The following NSG2 variants were observed in gnomAD, a reference collection of about 807,000 sequenced individuals.
The protein encoded by NSG2 is neuronal vesicle trafficking-associated protein 2.
Under a neutral mutation model 16.9 loss-of-function variants are expected in NSG2, and 4 were observed. The observed-to-expected ratio is 0.24, with a 90% CI of 0.12 to 0.54. The LOEUF (loss-of-function observed/expected upper bound fraction) is 0.54, where lower values mean the gene tolerates loss of function less well. Ranked by LOEUF, NSG2 falls within the 20% of genes least tolerant of loss-of-function variation. The pLI is 0.95. For synonymous variants in NSG2, 98 were observed against 88.7 expected (o/e 1.11, Z -0.59); for missense variants, 179 against 221.1 (o/e 0.81, Z 1.21).
At position 174,046,828 on chromosome 5, in the gene NSG2, G is replaced by A. The variant is rs146056924; in HGVS notation, c.73G>A (p.Val25Ile). The A allele has an allele frequency of 5.6e-6, 9 of 1,613,898 alleles. No homozygotes were observed. The highest frequency in any genetic ancestry group is 2.2e-5 in the East Asian group (1 of 44,882). ...PPSVEDGFQT[V>I]PLITPLEVNH... Reference sequence around the variant, plus strand: ...TTCAGTTGAGGATGGCTTCCAGACCGTCCCTCTCATCACTCCCTTGGAGGT... The same window carrying A: ...TTCAGTTGAGGATGGCTTCCAGACCATCCCTCTCATCACTCCCTTGGAGGT... Residue 25 changes from valine (V) to isoleucine (I), a missense_variant, in exon 2 of 5, where the codon GTC becomes ATC. By Grantham distance (29) the Val-to-Ile change is conservative. Transcript: ENST00000303177.
chr5:174,096,278 T>A (rs1397138315), intron 3 of NSG2, among the ~76,000 whole-genome samples: 1 of 152,180 alleles, frequency 6.6e-6, no homozygotes, highest in Non-Finnish European at 1.5e-5. Flanking sequence ...AGAGCTGTGA[T>A]CAGACAGCGT....
chr5:174,075,326 T>C (rs1313412426), intron 3 of NSG2, among the ~76,000 whole-genome samples: 3 of 152,088 alleles, frequency 2.0e-5, no homozygotes, highest in Non-Finnish European at 4.4e-5. Flanking sequence ...CACCGATGTG[T>C]GGTTATGTGT....
intron 2 of NSG2, among the ~76,000 whole-genome samples, chr5:174,060,506 C>T (rs903496736): frequency 6.6e-6 from 1 of 151,910 alleles, no homozygotes; most frequent in Admixed American, 6.6e-5. Flanking sequence ...ATAGACTTGG[C>T]AATGTGGGAA....
chr5:174,073,115 T>C (rs1232710730), intron 3 of NSG2, among the ~76,000 whole-genome samples: 1 of 152,230 alleles, frequency 6.6e-6, no homozygotes, highest in Non-Finnish European at 1.5e-5. Context: ...TATCTTTATA[T>C]AAAATCAGGG....
At chr5:174,067,138 A>T (rs951550717) in intron 3 of NSG2, among the ~76,000 whole-genome samples, 10 of 152,168 alleles carry the variant, frequency 6.6e-5, no homozygotes, top group African/African-American at 2.2e-4. Context: ...ATTACAAATA[A>T]ATGTATTAAT....
intron 3 of NSG2, among the ~76,000 whole-genome samples, chr5:174,075,982 G>A (rs561939587): frequency 9.9e-4 from 151 of 152,308 alleles, no homozygotes; most frequent in South Asian, 6.8e-3. Flanking sequence ...CCCTCACTTG[G>A]GTGATCATCA....
intron 2 of NSG2, 143 bp from the exon 3 acceptor site, chr5:174,064,089 A>AT (rs1385865035): frequency 2.4e-5 from 13 of 542,614 alleles, no homozygotes; most frequent in Non-Finnish European, 4.2e-5. Flanking sequence ...AGTAACTTGA[A>AT]TTTTCTCTTA....
chr5:174,082,830 G>T (rs1561669795), intron 3 of NSG2, among the ~76,000 whole-genome samples: 1 of 152,124 alleles, frequency 6.6e-6, no homozygotes, highest in Non-Finnish European at 1.5e-5. Context: ...GCCCTTGACT[G>T]GTCTTCCTGC....
At chr5:174,059,301 AT>A (rs1455531553) in intron 2 of NSG2, among the ~76,000 whole-genome samples, 1 of 152,082 alleles carries the variant, frequency 6.6e-6, no homozygotes, top group East Asian at 1.9e-4. Context: ...GAGGCATTCC[AT>A]TTTCTGAGTA....
chr5:174,103,334 T>C (rs1471992774), intron 3 of NSG2, among the ~76,000 whole-genome samples: 2 of 152,110 alleles, frequency 1.3e-5, no homozygotes, highest in Non-Finnish European at 1.5e-5. Flanking sequence ...AAGGGAGTCA[T>C]GGATGACTTC....
In NSG2 at chr5:174,107,402, A is replaced by G; in HGVS notation, c.413A>G (p.His138Arg). 6.2e-7 allele frequency: 1 copy of G among 1,612,064 alleles called. No individual in the cohort carries two copies. The highest frequency in any genetic ancestry group is 8.5e-7 in the Non-Finnish European group (1 of 1,178,414). ...AGCCGCTTCTACACAGTCATCAGCC[A>G]CTACAGCGTGGCCAAGCAGAGCACT... ...SRSRFYTVIS[H>R]YSVAKQSTAR... The change falls in exon 5 of 5, where the codon CAC becomes CGC. Residue 138 changes from histidine (H) to arginine (R), a missense_variant. His to Arg is a conservative substitution (Grantham distance 29). Coordinates refer to ENST00000303177, the MANE Select transcript of NSG2 (RefSeq NM_015980.5). The surrounding 1 kb of genome is among the most constrained non-coding windows in gnomAD (Gnocchi z 4.5).
chr5:174,096,525 T>C (rs926052343), intron 3 of NSG2, among the ~76,000 whole-genome samples: 3 of 152,130 alleles, frequency 2.0e-5, no homozygotes, highest in African/African-American at 7.2e-5. Flanking sequence ...CCTTGTCTGC[T>C]CTGGCAGACA....
In NSG2 at chr5:174,090,216, G is replaced by A. The variant is rs1038318930; in HGVS notation, c.214-14012G>A. Among the ~76,000 whole-genome samples the A allele has an allele frequency of 5.9e-5, 9 of 152,092 alleles. No homozygotes were observed. The East Asian group carries it at 7.7e-4, about 13-fold the overall frequency. On this transcript the variant is annotated intron_variant, in intron 3 of 4. Transcript: ENST00000303177. ...GTGATCTCTTACAGCAAAGGGATAC[G>A]CAGCAAAATCAGCAAAAGAAAAGAA...
Position 174,107,357 on chromosome 5 carries a change from C to A in NSG2, c.368C>A (p.Ser123Tyr). 6.3e-7 allele frequency: 1 copy of A among 1,598,968 alleles called. No individual in the cohort carries two copies. The highest frequency in any genetic ancestry group is 2.2e-5 in the East Asian group (1 of 44,456). Reference sequence around the variant, plus strand: ...GCCTCCCTGGATGCTTACTACTCCTCCCAGGACCCCAATTCCAGAAGCCGC... The same window carrying A: ...GCCTCCCTGGATGCTTACTACTCCTACCAGGACCCCAATTCCAGAAGCCGC... ...IPASLDAYYS[S>Y]QDPNSRSRFY... is the part of the protein sequence containing the mutation. Residue 123 changes from serine (S) to tyrosine (Y), a missense_variant, in exon 5 of 5, where the codon TCC becomes TAC. Physicochemically the swap from Ser to Tyr is moderately radical, Grantham distance 144. Transcript: ENST00000303177. This position sits in a 1 kb window ranked among gnomAD's most constrained non-coding sequence, Gnocchi z 4.5.
intron 3 of NSG2, among the ~76,000 whole-genome samples, chr5:174,088,276 C>T (rs542683162): frequency 1.3e-5 from 2 of 152,242 alleles, no homozygotes; most frequent in Admixed American, 6.5e-5. Context: ...TGTTCAAAGT[C>T]GCACAGGTGG....
intron 2 of NSG2, among the ~76,000 whole-genome samples, chr5:174,051,439 C>T (rs1581216143): frequency 6.6e-6 from 1 of 152,196 alleles, no homozygotes. Flanking sequence ...CTTTCTAAAC[C>T]CAGTTCAGAC....
chr5:174,107,830 A>G lies in NSG2; in HGVS notation c.*325A>G. The G allele has an allele frequency of 2.0e-6, 1 of 493,334 alleles. No individual in the cohort carries two copies. The highest frequency in any genetic ancestry group is 3.9e-6 in the Non-Finnish European group (1 of 256,926). The allele number at this position is 493,334 out of a possible 1,614,324, so 30.6% of individuals were successfully genotyped here. On this transcript the variant is annotated 3_prime_UTR_variant, in exon 5 of 5. Coordinates refer to ENST00000303177, the MANE Select transcript of NSG2 (RefSeq NM_015980.5). This position sits in a 1 kb window ranked among gnomAD's most constrained non-coding sequence, Gnocchi z 4.5. ...AGGAAAATGTAACAGCAGAAAAGGA[A>G]AGAAACAAAGAACATGAACAAAAAG... is the stretch of plus-strand genomic sequence containing the variant.
intron 2 of NSG2, among the ~76,000 whole-genome samples, chr5:174,054,999 A>T (rs1393528251): frequency 6.6e-6 from 1 of 152,252 alleles, no homozygotes; most frequent in Non-Finnish European, 1.5e-5. Context: ...TACGTAGTAG[A>T]TGCTTAATGC....
At chr5:174,064,193 A>G in intron 2 of NSG2, 39 bp from the exon 3 acceptor site, 1 of 1,382,960 alleles carries the variant, frequency 7.2e-7, no homozygotes. Context: ...AAATGTTTCA[A>G]GTCTCCATGC....
Sources: allele counts gnomAD v4.1 joint callset (sites outside exome capture counted in the v4.1 genomes callset), GRCh38; gene constraint gnomAD v4.1.1; non-coding constraint Gnocchi (gnomAD v3.1); transcripts MANE v1.5; gene names NCBI Gene and HGNC (gene_info 2026-07-23, HGNC 2026-07-21).